The following RPS6KA2 variants were observed in gnomAD, a reference collection of about 807,000 sequenced individuals.
RPS6KA2 encodes ribosomal protein S6 kinase alpha-2.
In RPS6KA2, 42 loss-of-function variants were observed where a neutral mutation model predicts 91.8. The observed-to-expected ratio is 0.46, with a 90% CI of 0.36 to 0.59. The LOEUF (loss-of-function observed/expected upper bound fraction) is 0.59, where lower values mean the gene tolerates loss of function less well. RPS6KA2 is among the 20% of genes least tolerant of loss of function. The probability of loss-of-function intolerance (pLI) is 0.00; values close to 1 mark genes in which losing one functional copy is unlikely to be tolerated. For synonymous variants in RPS6KA2, 414 were observed against 393.6 expected, an observed-to-expected ratio of 1.05 and a Z score of -0.61; for missense variants, 798 against 978.5, an observed-to-expected ratio of 0.82 and a Z score of 2.46.
intron 2 of RPS6KA2, among the ~76,000 whole-genome samples, chr6:166,834,541 T>G (rs7755614): frequency 0.019 from 2,893 of 152,290 alleles, 94 homozygotes; most frequent in African/African-American, 0.066. Flanking sequence ...GATGAAATAA[T>G]GTGTACCACA....
chr6:166,577,940 C>T (rs1784887743), intron 1 of RPS6KA2, among the ~76,000 whole-genome samples: 1 of 152,190 alleles, frequency 6.6e-6, no homozygotes, highest in Non-Finnish European at 1.5e-5. Context: ...CAGTTTCCCA[C>T]ATACTGTTCT....
In RPS6KA2 at chr6:166,557,390, G is replaced by C. The variant is rs889065759; in HGVS notation, c.100-18606C>G. On this transcript the variant is annotated intron_variant, in intron 1 of 20. Coordinates refer to ENST00000265678, the MANE Select transcript of RPS6KA2 (RefSeq NM_021135.6). The surrounding 1 kb of genome is among the most constrained non-coding windows in gnomAD (Gnocchi z 4.8). ...CAGACTCAATGGTCAGGTGGCCGGG[G>C]TCACTCTGAAAATGAACTGTTCTCC... is the stretch of plus-strand genomic sequence containing the variant. Among the ~76,000 whole-genome samples the C allele has an allele frequency of 6.6e-6, 1 of 152,252 alleles. No individual in the cohort carries two copies. The highest frequency in any genetic ancestry group is 1.5e-5 in the Non-Finnish European group (1 of 68,046).
upstream of RPS6KA2, among the ~76,000 whole-genome samples, chr6:166,630,058 A>C (rs1787026119): frequency 6.6e-6 from 1 of 152,166 alleles, no homozygotes; most frequent in South Asian, 2.1e-4. Context: ...GTCAAGGAGG[A>C]GATGGCCTTT....
At chr6:166,820,864 T>C (rs561704985) in intron 2 of RPS6KA2, among the ~76,000 whole-genome samples, 5 of 152,248 alleles carry the variant, frequency 3.3e-5, no homozygotes, top group Non-Finnish European at 7.3e-5. Flanking sequence ...CAATTATAAT[T>C]AACCAATTAC....
rs1781564270 is a variant in RPS6KA2 at position 166,490,834 on chromosome 6, C to T, written c.748-93G>A. The T allele has an allele frequency of 1.1e-6, 1 of 884,508 alleles. No individual in the cohort carries two copies. Among genetic ancestry groups the T allele is most frequent in the Non-Finnish European group, 1.8e-6 (1 of 553,130 alleles). The allele number at this position is 884,508 out of a possible 1,614,324, so 54.8% of individuals were successfully genotyped here. On this transcript the variant is annotated intron_variant, in intron 8 of 20. Coordinates refer to ENST00000265678, the MANE Select transcript of RPS6KA2 (RefSeq NM_021135.6). This position sits in a 1 kb window ranked among gnomAD's most constrained non-coding sequence, Gnocchi z 4.2. ...CCAGCAGGGCAGCCTGCTACCGTGT[C>T]CATTTCCTCATGCAAAATCTCCATC...
chr6:166,737,121 G>T lies in RPS6KA2; in HGVS notation c.123+121079C>A, dbSNP rs751230419. Among the ~76,000 whole-genome samples, 2 of 151,968 alleles carry T rather than the reference G, an allele frequency of 1.3e-5. No individual in the cohort carries two copies. Among genetic ancestry groups the T allele is most frequent in the Non-Finnish European group, 2.9e-5 (2 of 68,038 alleles). ...TTCTTTGTCAACTGTCACAAACGAG[G>T]TCCTTGATTTTCAATTTCCTGCAAT... On this transcript the variant is annotated intron_variant, in intron 2 of 21. Transcript: ENST00000503859. The surrounding 1 kb of genome is among the most constrained non-coding windows in gnomAD (Gnocchi z 4.3).
chr6:166,478,014 C>G (rs538139169), intron 10 of RPS6KA2, among the ~76,000 whole-genome samples: 3 of 152,362 alleles, frequency 2.0e-5, no homozygotes. Context: ...TGAATAAATA[C>G]GTCCAGCATC....
Position 166,627,191 on chromosome 6 carries a change from G to C in RPS6KA2, c.-172C>G, listed in dbSNP as rs1786921581. 1.9e-6 allele frequency: 2 copies of C among 1,047,212 alleles called. No individual in the cohort carries two copies. The highest frequency in any genetic ancestry group is 4.6e-5 in the South Asian group (1 of 21,874). 64.9% of individuals were successfully genotyped at this position (1,047,212 alleles called of 1,614,324 possible). ...GCGGTCACAAAGGGCAGGCCGCGCC[G>C]GCCACCGCGGCCGGGGCCACAATCG... On this transcript the variant is annotated 5_prime_UTR_variant, in exon 1 of 21. Transcript: ENST00000265678.
chr6:166,705,117 T>C (rs1315636677), intron 2 of RPS6KA2, among the ~76,000 whole-genome samples: 1 of 152,200 alleles, frequency 6.6e-6, no homozygotes, highest in Admixed American at 6.5e-5. Flanking sequence ...CAACATCTTA[T>C]TCTGAGATGT....
intron 2 of RPS6KA2, among the ~76,000 whole-genome samples, chr6:166,848,246 A>T (rs1780655018): frequency 6.6e-6 from 1 of 152,218 alleles, no homozygotes; most frequent in Non-Finnish European, 1.5e-5. Context: ...TAATTTAAAA[A>T]ATCAAAAAAT....
At chr6:166,595,712 T>C (rs1009545820) in intron 1 of RPS6KA2, among the ~76,000 whole-genome samples, 2 of 152,354 alleles carry the variant, frequency 1.3e-5, no homozygotes, top group East Asian at 3.9e-4. Flanking sequence ...TAATGTTAAA[T>C]GATCTTAAGG....
intron 2 of RPS6KA2, among the ~76,000 whole-genome samples, chr6:166,820,966 C>T (rs1779892353): frequency 1.3e-5 from 2 of 152,272 alleles, no homozygotes; most frequent in Non-Finnish European, 1.5e-5. Flanking sequence ...AAGTATCTCT[C>T]ACAGATGAAT....
chr6:166,806,113 C>T (rs1048017289), intron 2 of RPS6KA2, among the ~76,000 whole-genome samples: 3 of 152,076 alleles, frequency 2.0e-5, no homozygotes, highest in Admixed American at 2.0e-4. Context: ...TGAACAGAGT[C>T]TAAGGTACCT....
intron 2 of RPS6KA2, among the ~76,000 whole-genome samples, chr6:166,694,282 A>G (rs1343182021): frequency 1.3e-5 from 2 of 152,252 alleles, no homozygotes; most frequent in African/African-American, 4.8e-5. Flanking sequence ...TGGGCCACAG[A>G]GGAGCGGGAG....
chr6:166,415,934 A>G (rs1159087305), intron 19 of RPS6KA2, among the ~76,000 whole-genome samples: 1 of 133,210 alleles, frequency 7.5e-6, no homozygotes, highest in Non-Finnish European at 1.6e-5. Context: ...CACCCCCACC[A>G]TTACCCTCAC....
At chr6:166,594,577 C>T (rs1226114982) in intron 1 of RPS6KA2, among the ~76,000 whole-genome samples, 5 of 152,154 alleles carry the variant, frequency 3.3e-5, no homozygotes, top group African/African-American at 4.8e-5. Context: ...ATTCTCCTGC[C>T]TCAGCCTCCC....
At chr6:166,748,512 C>CCT (rs1791098198) in intron 2 of RPS6KA2, among the ~76,000 whole-genome samples, 8 of 151,398 alleles carry the variant, frequency 5.3e-5, no homozygotes, top group Non-Finnish European at 1.2e-4. Context: ...AGATCAGCCT[C>CCT]CATGGGGGCC....
upstream of RPS6KA2, among the ~76,000 whole-genome samples, chr6:166,630,866 G>A (rs142894399): frequency 2.9e-4 from 44 of 152,366 alleles, 1 homozygote; most frequent in African/African-American, 9.6e-4. Flanking sequence ...TCCTTGCTCA[G>A]GAAGATGGTC....
chr6:166,750,546 C>T (rs1363231010), intron 2 of RPS6KA2, among the ~76,000 whole-genome samples: 12 of 152,242 alleles, frequency 7.9e-5, no homozygotes, highest in Non-Finnish European at 2.9e-5. Context: ...AACTGCCCTC[C>T]GTGCCTCTTC....
Sources: gnomAD v4.1 joint callset for allele counts (sites outside exome capture counted in the v4.1 genomes callset) on GRCh38, gnomAD v4.1.1 for gene constraint, Gnocchi (gnomAD v3.1) non-coding constraint, MANE v1.5 for transcripts, NCBI Gene and HGNC (gene_info 2026-07-23, HGNC 2026-07-21) for gene names.